The following THSD4 variants were observed in gnomAD, a reference collection of about 807,000 sequenced individuals.
THSD4 encodes the protein thrombospondin type 1 domain containing 4, also known as thrombospondin type-1 domain-containing protein 4.
In THSD4, 69 loss-of-function variants were observed where a neutral mutation model predicts 119.0. That is an observed-to-expected ratio of 0.58 (90% CI 0.48 to 0.71). The LOEUF is 0.71. THSD4 is among the 30% of genes least tolerant of loss of function. The probability of loss-of-function intolerance (pLI) is 0.00; values close to 1 mark genes in which losing one functional copy is unlikely to be tolerated. For missense variants in THSD4, 1,393 were observed against 1,391.1 expected, an observed-to-expected ratio of 1.00 and a Z score of -0.02; for synonymous variants, 524 against 540.4, an observed-to-expected ratio of 0.97 and a Z score of 0.42.
intron 1 of THSD4, among the ~76,000 whole-genome samples, chr15:71,140,531 G>A (rs1164383176): frequency 3.9e-5 from 6 of 152,054 alleles, no homozygotes; most frequent in African/African-American, 1.2e-4. Context: ...ATCAGTTTTC[G>A]GCATGAGATT....
At chr15:71,461,940 A>T (rs539868971) in intron 7 of THSD4, among the ~76,000 whole-genome samples, 3 of 152,074 alleles carry the variant, frequency 2.0e-5, no homozygotes, top group South Asian at 2.1e-4. Context: ...GCTTTGAAAT[A>T]TGTGGCCAAG....
intron 7 of THSD4, among the ~76,000 whole-genome samples, chr15:71,615,588 A>G (rs1168755369): frequency 1.3e-5 from 2 of 152,194 alleles, no homozygotes; most frequent in African/African-American, 4.8e-5. Flanking sequence ...ATCATCCTTT[A>G]GAATAAGTAG....
chr15:71,162,010 C>T (rs1015225080), intron 3 of THSD4, among the ~76,000 whole-genome samples: 1 of 151,986 alleles, frequency 6.6e-6, no homozygotes, highest in African/African-American at 2.4e-5. Context: ...CATTAAAGTA[C>T]TTTACATTTT....
chr15:71,408,302 A>G (rs2046635445), intron 6 of THSD4, among the ~76,000 whole-genome samples: 1 of 152,126 alleles, frequency 6.6e-6, no homozygotes, highest in Non-Finnish European at 1.5e-5. Flanking sequence ...GTACAGTCAC[A>G]ACTCATTGCA....
chr15:71,130,154 T>C (rs146230184), intron 1 of THSD4, among the ~76,000 whole-genome samples: 10 of 152,246 alleles, frequency 6.6e-5, no homozygotes, highest in African/African-American at 2.4e-4. Context: ...AAAGGTACAT[T>C]TGATGCAGTG....
At chr15:71,443,848 A>G (rs922829785) in intron 7 of THSD4, among the ~76,000 whole-genome samples, 16 of 152,356 alleles carry the variant, frequency 1.1e-4, no homozygotes, top group African/African-American at 3.1e-4. Context: ...AAGGTGCATA[A>G]CAAATACTCT....
chr15:71,623,710 G>T (rs2050458366), intron 7 of THSD4, among the ~76,000 whole-genome samples: 1 of 152,044 alleles, frequency 6.6e-6, no homozygotes, highest in Admixed American at 6.5e-5. Flanking sequence ...ATCACCTGAG[G>T]TCAGGAGCTC....
At chr15:71,348,613 G>A (rs1243209536) in intron 6 of THSD4, 2 of 152,226 alleles carry the variant, frequency 1.3e-5, no homozygotes, top group Admixed American at 1.3e-4. Context: ...CTAAAGAAGG[G>A]ACAACTCTCT....
chr15:71,702,409 C>A (rs2052308975), intron 8 of THSD4, among the ~76,000 whole-genome samples: 1 of 151,714 alleles, frequency 6.6e-6, no homozygotes, highest in South Asian at 2.1e-4. Context: ...TTGTTCAATC[C>A]TAACATTTTA....
chr15:71,487,250 C>G (rs185126829), intron 7 of THSD4, among the ~76,000 whole-genome samples: 3 of 152,112 alleles, frequency 2.0e-5, no homozygotes, highest in Non-Finnish European at 2.9e-5. Context: ...TCCAACTTAT[C>G]TCTCTGTTTG....
chr15:71,754,159 G>A (rs2053497883), intron 14 of THSD4, among the ~76,000 whole-genome samples: 1 of 140,846 alleles, frequency 7.1e-6, no homozygotes, highest in Non-Finnish European at 1.5e-5. Context: ...TCGGCTTACT[G>A]CATCACTGCA....
At position 71,215,050 on chromosome 15, in the gene THSD4, G is replaced by A; in HGVS notation, c.115G>A (p.Ala39Thr). The A allele has an allele frequency of 7.7e-7, 1 of 1,291,174 alleles. No individual in the cohort carries two copies. Among genetic ancestry groups the A allele is most frequent in the Non-Finnish European group, 9.9e-7 (1 of 1,015,162 alleles). The allele number at this position is 1,291,174 out of a possible 1,614,324, so 80.0% of individuals were successfully genotyped here. A position where few individuals can be genotyped will look rare whatever the true frequency, so the allele number is the denominator to read the frequency against. The change falls in exon 4 of 18, where the codon GCG becomes ACG. Residue 39 changes from alanine (A) to threonine (T), a missense_variant. Coordinates refer to ENST00000261862, the MANE Select transcript of THSD4 (RefSeq NM_024817.3). ...GTCTCCGCAGGTCCCGCAGCGGATGGCGGCGGAGGGCGCCCCCGAGGACGA... is the reference window on the plus strand; with the variant it reads ...GTCTCCGCAGGTCCCGCAGCGGATGACGGCGGAGGGCGCCCCCGAGGACGA... ...TQHRKVPQRM[A>T]AEGAPEDDGG...
chr15:71,149,239 G>A (rs1690045102), intron 2 of THSD4, among the ~76,000 whole-genome samples: 1 of 151,924 alleles, frequency 6.6e-6, no homozygotes, highest in African/African-American at 2.4e-5. Context: ...TGAAATGCAT[G>A]CTTAGCAAAC....
At chr15:71,363,783 T>A (rs113506734) in intron 6 of THSD4, among the ~76,000 whole-genome samples, 3 of 152,170 alleles carry the variant, frequency 2.0e-5, no homozygotes, top group African/African-American at 7.2e-5. Context: ...CATTTGCATC[T>A]CTGCTGACAA....
chr15:71,307,087 G>A (rs1296897054), intron 6 of THSD4, among the ~76,000 whole-genome samples: 1 of 152,140 alleles, frequency 6.6e-6, no homozygotes, highest in East Asian at 1.9e-4. Flanking sequence ...GGACAAATTT[G>A]CCTTCCTTGT....
chr15:71,224,360 TG>T (rs2043997689), intron 4 of THSD4, among the ~76,000 whole-genome samples: 1 of 152,158 alleles, frequency 6.6e-6, no homozygotes, highest in South Asian at 2.1e-4. Flanking sequence ...TAAACATGGA[TG>T]GCCAACATTT....
At position 71,696,452 on chromosome 15, in the gene THSD4, C is replaced by G. The variant is rs538126557; in HGVS notation, c.1358-32097C>G. ...AAAGCCATTCCTGAGGGATCCACCC[C>G]CAATGACCCAAACACCTCCCACTAG... On this transcript the variant is annotated intron_variant, in intron 8 of 17. Transcript: ENST00000261862. Among the ~76,000 whole-genome samples, 42 of 152,172 alleles carry G rather than the reference C, an allele frequency of 2.8e-4. 1 individual carries two copies.
At chr15:71,685,691 G>T (rs907692714) in intron 8 of THSD4, among the ~76,000 whole-genome samples, 1 of 152,092 alleles carries the variant, frequency 6.6e-6, no homozygotes, top group African/African-American at 2.4e-5. Context: ...TAGTTTAGTG[G>T]TCTTTTCAGA....
At chr15:71,277,988 T>A (rs930299009) in intron 6 of THSD4, among the ~76,000 whole-genome samples, 2 of 152,252 alleles carry the variant, frequency 1.3e-5, no homozygotes, top group South Asian at 2.1e-4. Flanking sequence ...CTATATTTTT[T>A]ATTCTTTCTT....
Sources: gnomAD v4.1 joint callset for allele counts (sites outside exome capture counted in the v4.1 genomes callset) on GRCh38, gnomAD v4.1.1 for gene constraint, MANE v1.5 for transcripts, NCBI Gene and HGNC (gene_info 2026-07-23, HGNC 2026-07-21) for gene names.